The following BEST3 variants were observed in gnomAD, a reference collection of about 807,000 sequenced individuals.
The protein encoded by BEST3 is bestrophin-3.
BEST3 carries 50 observed loss-of-function variants against 47.1 expected under a neutral mutation model. That is an observed-to-expected ratio of 1.06 (90% CI 0.85 to 1.34). The LOEUF is 1.34. BEST3 is among the 40% of genes most tolerant of loss of function. BEST3 has a pLI of 0.00. For synonymous variants in BEST3, 282 were observed against 298.8 expected, an observed-to-expected ratio of 0.94 and a Z score of 0.58; for missense variants, 765 against 817.0, an observed-to-expected ratio of 0.94 and a Z score of 0.78.
intron 4 of BEST3, among the ~76,000 whole-genome samples, chr12:69,684,894 T>G (rs932435982): frequency 2.0e-5 from 3 of 152,232 alleles, no homozygotes; most frequent in African/African-American, 7.2e-5. Flanking sequence ...GTTTTTTCGT[T>G]TGTTTGTTTT....
At chr12:69,686,786 A>AAAAAAAAAGAAAG (rs371159662) in intron 4 of BEST3, among the ~76,000 whole-genome samples, 4 of 143,282 alleles carry the variant, frequency 2.8e-5, no homozygotes, top group Admixed American at 1.4e-4. Flanking sequence ...AAACAAAAAA[A>AAAAAAAAAGAAAG]AAAGAAAGAA....
intron 9 of BEST3, among the ~76,000 whole-genome samples, chr12:69,657,504 T>C (rs1883579396): frequency 6.6e-6 from 1 of 152,182 alleles, no homozygotes; most frequent in South Asian, 2.1e-4. Flanking sequence ...ACATAGTTAT[T>C]TGCCACACAT....
chr12:69,672,152 A>T (rs949610764), intron 8 of BEST3, among the ~76,000 whole-genome samples: 7 of 152,202 alleles, frequency 4.6e-5, no homozygotes, highest in Admixed American at 6.5e-5. Flanking sequence ...CTGGGATTCC[A>T]ATTTTGACAA....
At chr12:69,675,660 G>T (rs943140043) in intron 7 of BEST3, among the ~76,000 whole-genome samples, 4 of 152,202 alleles carry the variant, frequency 2.6e-5, no homozygotes, top group African/African-American at 9.6e-5. Context: ...GAAAATGAAA[G>T]TCATTAGTCT....
At chr12:69,662,639 C>T (rs1883939345) in intron 9 of BEST3, among the ~76,000 whole-genome samples, 2 of 152,240 alleles carry the variant, frequency 1.3e-5, no homozygotes, top group Non-Finnish European at 2.9e-5. Context: ...TTTCATAGTA[C>T]CAAATACGTC....
chr12:69,678,592 T>C (rs978835946), intron 5 of BEST3, 147 bp downstream of exon 5: 2 of 713,856 alleles, frequency 2.8e-6, no homozygotes, highest in African/African-American at 3.6e-5. Flanking sequence ...GTCCTGCATG[T>C]TGAGAGGTCT....
rs200473792 is a variant in BEST3 at position 69,655,587 on chromosome 12, G to A, written c.1327C>T (p.Pro443Ser). The part of the protein sequence containing the change: ...RDLLDVPSRN[P>S]PRASPTWKKS... ...TTCCAGGTGGGTGAGGCCCTGGGGG[G>A]GTTTCTTGAGGGCACATCCAGTAGG... The change falls in exon 10 of 10, where the codon CCC becomes TCC. Residue 443 changes from proline to serine, a missense_variant. Transcript: ENST00000330891. 11 of 1,613,832 alleles carry A rather than the reference G, an allele frequency of 6.8e-6. No individual in the cohort carries two copies. The South Asian group carries it at 1.1e-4, about 16-fold the overall frequency.
intron 9 of BEST3, among the ~76,000 whole-genome samples, chr12:69,662,417 A>G (rs759802925): frequency 2.0e-5 from 3 of 152,176 alleles, no homozygotes; most frequent in Non-Finnish European, 4.4e-5. Context: ...ATTTAACCAC[A>G]CTTTAATAAA....
chr12:69,663,283 A>AT (rs1362348672), intron 9 of BEST3, among the ~76,000 whole-genome samples: 1 of 152,098 alleles, frequency 6.6e-6, no homozygotes, highest in Non-Finnish European at 1.5e-5. Context: ...ATTTTTGTTC[A>AT]TTTTTTTTTA....
chr12:69,682,211 T>C (rs905501175), intron 4 of BEST3, among the ~76,000 whole-genome samples: 1 of 152,154 alleles, frequency 6.6e-6, no homozygotes, highest in Non-Finnish European at 1.5e-5. Context: ...TTTAATAGAA[T>C]TGGGTCTAGG....
At chr12:69,684,746 T>A in intron 4 of BEST3, 1 of 452,560 alleles carries the variant, frequency 2.2e-6, no homozygotes, top group East Asian at 3.2e-5. Context: ...CAGCTTCAGC[T>A]ACAGCTGTCC....
At chr12:69,658,226 T>G (rs893680091) in intron 9 of BEST3, among the ~76,000 whole-genome samples, 3 of 152,226 alleles carry the variant, frequency 2.0e-5, no homozygotes, top group African/African-American at 7.2e-5. Context: ...TGCAATCTTG[T>G]AAGAAAGACA....
At chr12:69,648,286 C>T (rs1883102115) in intron 9 of BEST3, among the ~76,000 whole-genome samples, 1 of 152,002 alleles carries the variant, frequency 6.6e-6, no homozygotes, top group Non-Finnish European at 1.5e-5. Context: ...TATGAGACAT[C>T]CTGGAGTATG....
chr12:69,662,540 G>T (rs1883934424), intron 9 of BEST3, among the ~76,000 whole-genome samples: 1 of 152,126 alleles, frequency 6.6e-6, no homozygotes, highest in Non-Finnish European at 1.5e-5. Context: ...ACATTTGCAT[G>T]TTTGTATAAT....
intron 9 of BEST3, chr12:69,661,212 A>T (rs1432182062): frequency 6.6e-6 from 1 of 152,202 alleles, no homozygotes; most frequent in Non-Finnish European, 1.5e-5. Flanking sequence ...CCTTCTCACG[A>T]GAGTGATTAG....
rs202078999 is a variant in BEST3, at chr12:69,648,181, A to G, written c.1101-4394T>C. Among the ~76,000 whole-genome samples, 17 of 152,160 alleles carry G rather than the reference A, an allele frequency of 1.1e-4. No homozygotes were observed. The East Asian group carries it at 1.5e-3, about 14-fold the overall frequency. ...AATCTGTTCGTGGGTCTACACCCCA[A>G]AGAAACTCTTCTATGGATCCCTAGG... On this transcript the variant is annotated intron_variant, in intron 9 of 9. Coordinates refer to the BEST3 transcript ENST00000331471.
At chr12:69,655,962 G>C in intron 9 of BEST3, 149 bp from the exon 10 acceptor site, 2 of 1,256,672 alleles carry the variant, frequency 1.6e-6, no homozygotes. Context: ...TCTAGCAGAG[G>C]CTCACACACT....
Position 69,663,089 on chromosome 12 carries a change from A to G in BEST3, c.1101-7276T>C, listed in dbSNP as rs541170973. 7.5e-4 allele frequency among the ~76,000 whole-genome samples: 115 copies of G among 152,354 alleles called. 1 individual carries two copies. Among genetic ancestry groups the G allele is most frequent in the Middle Eastern group, 3.4e-3 (1 of 294 alleles). ...TTTCAAGATAGGACTAAAGGGCATTATGAGACTTCAGGTCTTAAATTTCTG... is the reference window on the plus strand; with the variant it reads ...TTTCAAGATAGGACTAAAGGGCATTGTGAGACTTCAGGTCTTAAATTTCTG... On this transcript the variant is annotated intron_variant, in intron 9 of 9. Transcript: ENST00000330891.
At chr12:69,643,931 C>T (rs949116284) in intron 9 of BEST3, 4 of 495,144 alleles carry the variant, frequency 8.1e-6, no homozygotes, top group African/African-American at 5.9e-5. Flanking sequence ...AGCATGGTCC[C>T]AGAACCTAAA....
Sources: allele counts gnomAD v4.1 joint callset (sites outside exome capture counted in the v4.1 genomes callset), GRCh38; gene constraint gnomAD v4.1.1; transcripts MANE v1.5; gene names NCBI Gene and HGNC (gene_info 2026-07-23, HGNC 2026-07-21).